Variants in ELL observed in about 807,000 individuals in gnomAD.
The protein encoded by ELL is RNA polymerase II elongation factor ELL.
A neutral mutation model predicts 64.0 loss-of-function variants in ELL; 18 were observed. The ratio of observed to expected loss-of-function variants is 0.28; its 90% confidence interval spans 0.19 to 0.42. ELL has a LOEUF of 0.42. Among genes scored for constraint, ELL ranks in the 10% least tolerant of loss-of-function variants. ELL has a pLI of 1.00. For missense variants in ELL, 797 were observed against 870.4 expected (o/e 0.92, Z 1.06); for synonymous variants, 399 against 376.2 (o/e 1.06, Z -0.70).
rs1175458677 is a variant in ELL, at chr19:18,490,655, G to A, written c.136-17773C>T. 9.2e-5 allele frequency among the ~76,000 whole-genome samples: 14 copies of A among 152,130 alleles called. No homozygotes were observed. In the East Asian group the frequency reaches 1.3e-3, roughly 15 times the overall value. On this transcript the variant is annotated intron_variant, in intron 1 of 11. Coordinates refer to ENST00000262809, the MANE Select transcript of ELL (RefSeq NM_006532.4). ...GAGACCAAATGCATGGTATCTTCCC[G>A]GCCAAGAGCCACACAGTGACCACGG...
chr19:18,508,083 T>C (rs976552211), intron 1 of ELL, among the ~76,000 whole-genome samples: 15 of 152,176 alleles, frequency 9.9e-5, no homozygotes, highest in African/African-American at 3.6e-4. Context: ...ATGCAGTCCC[T>C]GAGAAAAACT....
chr19:18,482,527 G>C (rs954733083), intron 1 of ELL, among the ~76,000 whole-genome samples: 1 of 151,368 alleles, frequency 6.6e-6, no homozygotes, highest in Non-Finnish European at 1.5e-5. Context: ...TAGTCGAGAC[G>C]GGTTTTCACC....
At chr19:18,513,542 G>C (rs2144978976) in intron 1 of ELL, among the ~76,000 whole-genome samples, 1 of 152,268 alleles carries the variant, frequency 6.6e-6, no homozygotes, top group Non-Finnish European at 1.5e-5. Context: ...AATGAGAACA[G>C]ACTTGCTAAT....
intron 1 of ELL, among the ~76,000 whole-genome samples, chr19:18,506,787 G>A (rs1424977822): frequency 1.3e-5 from 2 of 152,108 alleles, no homozygotes; most frequent in African/African-American, 2.4e-5. Context: ...CTAGGAGTTC[G>A]TTACCCTCCT....
chr19:18,444,947 C>CT, intron 11 of ELL, 79 bp from the exon 12 acceptor site: 1 of 1,477,412 alleles, frequency 6.8e-7, no homozygotes, highest in Non-Finnish European at 9.1e-7. Context: ...AGTGTCCCCC[C>CT]CAAACCAAAA....
At chr19:18,503,989 C>T (rs1975833908) in intron 1 of ELL, among the ~76,000 whole-genome samples, 1 of 152,236 alleles carries the variant, frequency 6.6e-6, no homozygotes, top group Non-Finnish European at 1.5e-5. Flanking sequence ...CGCTCACTCA[C>T]ATCCCCCCGC....
chr19:18,462,178 CAG>C (rs1491097118), intron 4 of ELL, among the ~76,000 whole-genome samples: 7 of 122,064 alleles, frequency 5.7e-5, no homozygotes, highest in South Asian at 2.6e-4. Flanking sequence ...CTCTGGTGGG[CAG>C]TGTGTGTGTG....
intron 1 of ELL, among the ~76,000 whole-genome samples, chr19:18,473,906 C>A (rs1032691532): frequency 2.0e-5 from 3 of 152,168 alleles, no homozygotes; most frequent in Non-Finnish European, 4.4e-5. Context: ...CCGTCCTGGG[C>A]TCCGTCTCCA....
At chr19:18,506,255 G>A (rs1975882459) in intron 1 of ELL, among the ~76,000 whole-genome samples, 1 of 152,246 alleles carries the variant, frequency 6.6e-6, no homozygotes, top group South Asian at 2.1e-4. Context: ...CCTGGGCCCT[G>A]TCTCCCGCAC....
chr19:18,486,692 C>T (rs747737529), intron 1 of ELL, among the ~76,000 whole-genome samples: 2 of 152,178 alleles, frequency 1.3e-5, no homozygotes, highest in Non-Finnish European at 2.9e-5. Flanking sequence ...TGTCTGCTCA[C>T]TGCAACCTCT....
intron 6 of ELL, among the ~76,000 whole-genome samples, chr19:18,453,978 G>C (rs991230655): frequency 1.7e-4 from 26 of 152,198 alleles, no homozygotes; most frequent in Admixed American, 1.2e-3. Flanking sequence ...AATAGAGACA[G>C]AAAGCAGATT....
chr19:18,513,702 C>T (rs1047393182), intron 1 of ELL, among the ~76,000 whole-genome samples: 7 of 152,190 alleles, frequency 4.6e-5, no homozygotes, highest in South Asian at 4.1e-4. Context: ...GAGGCTGAGG[C>T]GGGCGGATCA....
chr19:18,498,470 C>T (rs541033511), intron 1 of ELL, among the ~76,000 whole-genome samples: 6 of 152,196 alleles, frequency 3.9e-5, no homozygotes, highest in East Asian at 1.9e-4. Context: ...CTGCACTCAA[C>T]GGTGTGAGAC....
At chr19:18,484,680 A>C (rs1462985779) in intron 1 of ELL, among the ~76,000 whole-genome samples, 2 of 152,184 alleles carry the variant, frequency 1.3e-5, no homozygotes, top group African/African-American at 2.4e-5. Context: ...CCGGCAAGGA[A>C]GCACATGAGG....
chr19:18,446,408 C>T lies in ELL; in HGVS notation c.1605G>A (p.Glu535=), dbSNP rs960949828. The T allele has an allele frequency of 6.2e-7, 1 of 1,612,572 alleles. No homozygotes were observed. The highest frequency in any genetic ancestry group is 1.3e-5 in the African/African-American group (1 of 75,046). The change falls in exon 10 of 12, where the codon GAG becomes GAA. Residue 535 remains glutamate (E), a synonymous_variant. Transcript: ENST00000262809. ...YKNDFNAEYS[E]YRDLHARIER... is the part of the protein sequence containing the mutation. The stretch of plus-strand genomic sequence containing the variant: ...CAATGCGGGCGTGCAGGTCGCGGTA[C>T]TCGCTGTACTCGGCATTGAAGTCGT...
intron 1 of ELL, among the ~76,000 whole-genome samples, chr19:18,478,529 C>A (rs952420609): frequency 6.6e-6 from 1 of 152,194 alleles, no homozygotes; most frequent in Non-Finnish European, 1.5e-5. Flanking sequence ...ACTTTCATTA[C>A]CCAGCATGAG....
chr19:18,503,263 C>A (rs572110327), intron 1 of ELL, among the ~76,000 whole-genome samples: 33 of 152,310 alleles, frequency 2.2e-4, no homozygotes, highest in Non-Finnish European at 4.3e-4. Flanking sequence ...GAGGGAGCAC[C>A]CCCACCCTGG....
At position 18,478,847 on chromosome 19, in the gene ELL, G is replaced by A. The variant is rs78454035; in HGVS notation, c.136-5965C>T. Among the ~76,000 whole-genome samples the A allele has an allele frequency of 8.4e-3, 1,280 of 152,360 alleles. 10 individuals carry two copies. Among genetic ancestry groups the A allele is most frequent in the Middle Eastern group, 0.017 (5 of 294 alleles). On this transcript the variant is annotated intron_variant, in intron 1 of 11. Transcript: ENST00000262809. ...TGGGGCTACTGAACACAGACTGGGA[G>A]ACTCCTGTAGGCAGCTCCCCCTCAA...
rs534626523 is a variant in ELL, at chr19:18,504,373, C to T, written c.135+17548G>A. On this transcript the variant is annotated intron_variant, in intron 1 of 11. Coordinates refer to ENST00000262809, the MANE Select transcript of ELL (RefSeq NM_006532.4). ...GTCACATCCTGATTGAAATCCATGA[C>T]GCGTGGCTTGCTTTGCTAAATTTCC... Among the ~76,000 whole-genome samples the T allele has an allele frequency of 6.2e-4, 95 of 152,322 alleles. 1 individual carries two copies. Among genetic ancestry groups the T allele is most frequent in the African/African-American group, 1.4e-3 (57 of 41,572 alleles).
Sources: allele counts gnomAD v4.1 joint callset (sites outside exome capture counted in the v4.1 genomes callset), GRCh38; gene constraint gnomAD v4.1.1; transcripts MANE v1.5; gene names NCBI Gene and HGNC (gene_info 2026-07-23, HGNC 2026-07-21).